EEFSEC: variants seen among roughly 807,000 people sequenced by gnomAD.
EEFSEC encodes the protein selenocysteine-specific elongation factor.
A neutral mutation model predicts 42.1 loss-of-function variants in EEFSEC; 43 were observed. That is an observed-to-expected ratio of 1.02 (90% confidence interval 0.80 to 1.32). EEFSEC has a LOEUF of 1.32. Among genes scored for constraint, EEFSEC ranks in the 40% most tolerant of loss-of-function variants. The pLI, the probability that EEFSEC is intolerant of heterozygous loss-of-function variation, is 0.00. For missense variants in EEFSEC, 745 were observed against 803.6 expected, an observed-to-expected ratio of 0.93 and a Z score of 0.88; for synonymous variants, 354 against 339.1, an observed-to-expected ratio of 1.04 and a Z score of -0.48.
chr3:128,159,581 T>C lies in EEFSEC; in HGVS notation c.316+5758T>C, dbSNP rs117129904. On this transcript the variant is annotated intron_variant, in intron 1 of 6. Transcript: ENST00000254730. The stretch of plus-strand genomic sequence containing the variant: ...TAAAATCCAGCCACTTTGTGGCCCA[T>C]AGGACAATGGTCTGGCTCTGCTTTC... Among the ~76,000 whole-genome samples the C allele has an allele frequency of 4.1e-3, 631 of 152,294 alleles. 9 individuals are homozygous for C. The highest frequency in any genetic ancestry group is 0.016 in the Admixed American group (243 of 15,302).
At chr3:128,388,653 G>A (rs1398631471) in intron 6 of EEFSEC, among the ~76,000 whole-genome samples, 1 of 152,234 alleles carries the variant, frequency 6.6e-6, no homozygotes, top group South Asian at 2.1e-4. Flanking sequence ...GGTGTAGTCT[G>A]CCTGTACCCC....
At chr3:128,192,432 G>A (rs1052986029) in intron 1 of EEFSEC, among the ~76,000 whole-genome samples, 10 of 152,156 alleles carry the variant, frequency 6.6e-5, no homozygotes, top group Non-Finnish European at 1.2e-4. Context: ...GTGGGGTTCC[G>A]AGCTGGGCTC....
intron 2 of EEFSEC, among the ~76,000 whole-genome samples, chr3:128,248,344 C>T (rs2066149168): frequency 6.6e-6 from 1 of 152,216 alleles, no homozygotes. Context: ...TATGCCTTCC[C>T]ATTTATGATG....
At chr3:128,381,024 A>G (rs745617269) in intron 6 of EEFSEC, among the ~76,000 whole-genome samples, 2 of 152,230 alleles carry the variant, frequency 1.3e-5, no homozygotes, top group Non-Finnish European at 2.9e-5. Flanking sequence ...TCAACCCAGA[A>G]TATCAGGCCT....
At chr3:128,236,051 G>A (rs1186949074) in intron 1 of EEFSEC, among the ~76,000 whole-genome samples, 5 of 152,194 alleles carry the variant, frequency 3.3e-5, no homozygotes, top group Non-Finnish European at 7.3e-5. Context: ...TGCAACCTCC[G>A]CCTCCCGGGT....
At position 128,264,617 on chromosome 3, in the gene EEFSEC, C is replaced by T; in HGVS notation, c.622C>T (p.Leu208Phe). 2.5e-6 allele frequency: 4 copies of T among 1,613,712 alleles called. No individual in the cohort carries two copies. Among genetic ancestry groups the T allele is most frequent in the Non-Finnish European group, 3.4e-6 (4 of 1,179,778 alleles). Reference protein sequence around the residue: ...APQGIPELIELLTSQISIPTR... With the variant: ...APQGIPELIEFLTSQISIPTR... ...TGTGGCACCAGTTTCTCTTTTCTAG[C>T]TCCTGACGTCCCAGATTTCCATCCC... Residue 208 changes from leucine to phenylalanine, a missense_variant and splice_region_variant, in exon 4 of 7, where the codon CTC becomes TTC. Physicochemically the swap from Leu to Phe is conservative, Grantham distance 22. Transcript: ENST00000254730.
At chr3:128,266,245 G>A (rs1662562578) in intron 4 of EEFSEC, among the ~76,000 whole-genome samples, 1 of 152,142 alleles carries the variant, frequency 6.6e-6, no homozygotes, top group African/African-American at 2.4e-5. Context: ...GGAGCACTGT[G>A]GCCCAGCTAA....
chr3:128,205,903 A>G (rs190306357), intron 1 of EEFSEC, among the ~76,000 whole-genome samples: 1 of 152,348 alleles, frequency 6.6e-6, no homozygotes. Context: ...CTATTCTTGT[A>G]AAGAATTATT....
At chr3:128,223,047 C>T (rs377251171) in intron 1 of EEFSEC, among the ~76,000 whole-genome samples, 22 of 152,326 alleles carry the variant, frequency 1.4e-4, no homozygotes, top group African/African-American at 5.1e-4. Flanking sequence ...CTCCTGACCT[C>T]TGGGGAGCTG....
chr3:128,376,256 A>C (rs190272544), intron 6 of EEFSEC, among the ~76,000 whole-genome samples: 1 of 152,308 alleles, frequency 6.6e-6, no homozygotes, highest in Non-Finnish European at 1.5e-5. Flanking sequence ...TGCATCCCCA[A>C]GGAAAACCAG....
At chr3:128,234,831 C>A (rs2065992044) in intron 1 of EEFSEC, among the ~76,000 whole-genome samples, 1 of 152,194 alleles carries the variant, frequency 6.6e-6, no homozygotes, top group African/African-American at 2.4e-5. Flanking sequence ...ATTCCCATTT[C>A]AAGATTCTTT....
intron 1 of EEFSEC, among the ~76,000 whole-genome samples, chr3:128,159,467 G>A (rs1315503629): frequency 6.6e-6 from 1 of 152,120 alleles, no homozygotes; most frequent in Non-Finnish European, 1.5e-5. Flanking sequence ...CTGCACAGTG[G>A]GCATTGCTCT....
intron 1 of EEFSEC, among the ~76,000 whole-genome samples, chr3:128,160,375 A>G (rs2065170886): frequency 6.6e-6 from 1 of 152,202 alleles, no homozygotes; most frequent in Non-Finnish European, 1.5e-5. Context: ...GCATGGCTGG[A>G]AATCGGCGTG....
chr3:128,417,678 G>A, the EEFSEC span, among the ~76,000 whole-genome samples: 1 of 152,130 alleles, frequency 6.6e-6, no homozygotes, highest in Admixed American at 6.5e-5. This position sits in a 1 kb window ranked among gnomAD's most constrained non-coding sequence, Gnocchi z 4.3. Flanking sequence ...TCCACACACA[G>A]GAGCACTCGG....
chr3:128,366,174 G>C (rs1338927311), intron 6 of EEFSEC, among the ~76,000 whole-genome samples: 1 of 152,264 alleles, frequency 6.6e-6, no homozygotes, highest in Non-Finnish European at 1.5e-5. Context: ...TGGGGGACCA[G>C]TGTGTTGGTG....
At chr3:128,177,036 A>G (rs1288913102) in intron 1 of EEFSEC, among the ~76,000 whole-genome samples, 2 of 151,090 alleles carry the variant, frequency 1.3e-5, no homozygotes, top group African/African-American at 4.9e-5. Flanking sequence ...TCGCTCTGTC[A>G]CCCAGGCTGG....
At chr3:128,333,327 GT>G (rs1302735274) in intron 4 of EEFSEC, among the ~76,000 whole-genome samples, 4 of 152,236 alleles carry the variant, frequency 2.6e-5, no homozygotes, top group Admixed American at 1.3e-4. Flanking sequence ...TTCCTTTAAA[GT>G]TTGTTGTGAT....
rs915385826 is a variant in EEFSEC at position 128,153,544 on chromosome 3, C to T, written c.37C>T (p.Leu13=). Residue 13 remains leucine (L), a synonymous_variant, in exon 1 of 7, where the codon CTG becomes TTG. Coordinates refer to ENST00000254730, the MANE Select transcript of EEFSEC (RefSeq NM_021937.5). ...GRRVNVNVGV[L]GHIDSGKTAL... ...GCGGGTGAACGTGAACGTGGGCGTG[C>T]TGGGCCACATCGACAGCGGCAAGAC... 5 of 1,527,134 alleles carry T rather than the reference C, an allele frequency of 3.3e-6. No individual in the cohort carries two copies. Among genetic ancestry groups the T allele is most frequent in the Admixed American group, 2.0e-5 (1 of 50,582 alleles). 94.6% of individuals were successfully genotyped at this position (1,527,134 alleles called of 1,614,324 possible).
chr3:128,406,374 G>A (rs1270175750), intron 6 of EEFSEC, among the ~76,000 whole-genome samples: 1 of 152,180 alleles, frequency 6.6e-6, no homozygotes, highest in East Asian at 1.9e-4. Flanking sequence ...GCTGGGGTGG[G>A]AATGGGGAGA....
Sources: gnomAD v4.1 joint callset for allele counts (sites outside exome capture counted in the v4.1 genomes callset) on GRCh38, gnomAD v4.1.1 for gene constraint, Gnocchi (gnomAD v3.1) non-coding constraint, MANE v1.5 for transcripts, NCBI Gene and HGNC (gene_info 2026-07-23, HGNC 2026-07-21) for gene names.